The following RMDN2 variants were observed in gnomAD, a reference collection of about 807,000 sequenced individuals.
The protein encoded by RMDN2 is regulator of microtubule dynamics protein 2.
Under a neutral mutation model 52.8 loss-of-function variants are expected in RMDN2, and 61 were observed. The ratio of observed to expected loss-of-function variants is 1.16; its 90% confidence interval spans 0.94 to 1.43. RMDN2 has a LOEUF of 1.43. RMDN2 is among the 40% of genes most tolerant of loss of function. RMDN2 has a pLI of 0.00. For synonymous variants in RMDN2, 180 were observed against 153.1 expected (o/e 1.18, Z -1.30); for missense variants, 592 against 475.3 (o/e 1.25, Z -2.28).
intron 10 of RMDN2, among the ~76,000 whole-genome samples, chr2:38,010,877 A>G (rs1482654139): frequency 6.6e-6 from 1 of 152,232 alleles, no homozygotes; most frequent in African/African-American, 2.4e-5. Context: ...CTTTCATACT[A>G]AAACCTTTGA....
intron 2 of RMDN2, among the ~76,000 whole-genome samples, chr2:37,968,438 CAAAA>C (rs71400332): frequency 4.5e-5 from 4 of 89,154 alleles, no homozygotes; most frequent in East Asian, 4.8e-4. Flanking sequence ...GACTCTGTCT[CAAAA>C]AAAAAAAAAA....
At chr2:38,067,008 C>A (rs767607930) in exon 11 of RMDN2, 5 of 1,613,630 alleles carry the variant, frequency 3.1e-6, no homozygotes, top group Non-Finnish European at 3.4e-6. Flanking sequence ...GATAAAGAGC[C>A]TTTGGTACCG....
intron 5 of RMDN2, among the ~76,000 whole-genome samples, chr2:37,988,272 G>A (rs1179391067): frequency 6.6e-6 from 1 of 152,146 alleles, no homozygotes; most frequent in Non-Finnish European, 1.5e-5. Flanking sequence ...TGCTTTTCTT[G>A]AATTTGAAAT....
Position 37,947,745 on chromosome 2 carries a change from A to G in RMDN2, c.452+18016A>G, listed in dbSNP as rs1041548026. ...AAGATGTGCATTTTTCAATAGCTGAATTCAGAGTACTTCACGATATTTGTT... is the reference window on the plus strand; with the variant it reads ...AAGATGTGCATTTTTCAATAGCTGAGTTCAGAGTACTTCACGATATTTGTT... On this transcript the variant is annotated intron_variant, in intron 2 of 10. Coordinates refer to ENST00000354545, the MANE Select transcript of RMDN2 (RefSeq NM_001170791.3). 2.0e-5 allele frequency among the ~76,000 whole-genome samples: 3 copies of G among 152,222 alleles called. 1 individual carries two copies. Among genetic ancestry groups the G allele is most frequent in the African/African-American group, 7.2e-5 (3 of 41,452 alleles).
chr2:38,039,100 A>AGG, intron 10 of RMDN2, among the ~76,000 whole-genome samples: 1 of 112,694 alleles, frequency 8.9e-6, no homozygotes, highest in East Asian at 2.4e-4. Flanking sequence ...ACACAGAGAG[A>AGG]GAGATAAAAT....
chr2:38,053,717 T>A (rs1215493398), intron 10 of RMDN2, among the ~76,000 whole-genome samples: 2 of 152,226 alleles, frequency 1.3e-5, no homozygotes, highest in Non-Finnish European at 2.9e-5. Flanking sequence ...TGTGAGCTAT[T>A]TGATCTTATT....
chr2:37,942,563 CT>C (rs1393650531), intron 2 of RMDN2, among the ~76,000 whole-genome samples: 1 of 152,172 alleles, frequency 6.6e-6, no homozygotes, highest in Non-Finnish European at 1.5e-5. Context: ...GAATTCTTAT[CT>C]TCCCATACAA....
chr2:38,001,107 G>T (rs1000341194), intron 8 of RMDN2, among the ~76,000 whole-genome samples: 2 of 152,254 alleles, frequency 1.3e-5, no homozygotes, highest in South Asian at 4.1e-4. Context: ...AGAACTCTTG[G>T]CTGTGTCCTG....
chr2:38,018,907 C>G (rs147580204), downstream of RMDN2, among the ~76,000 whole-genome samples: 1 of 152,270 alleles, frequency 6.6e-6, no homozygotes, highest in South Asian at 2.1e-4. Flanking sequence ...CGCACACACA[C>G]ATTTATACAC....
At chr2:38,009,428 T>C (rs1337938218) in intron 10 of RMDN2, among the ~76,000 whole-genome samples, 1 of 152,224 alleles carries the variant, frequency 6.6e-6, no homozygotes, top group Non-Finnish European at 1.5e-5. Flanking sequence ...CTTTTTTCTC[T>C]ACACTTCTCC....
chr2:37,941,406 G>A (rs1429502190), intron 2 of RMDN2, among the ~76,000 whole-genome samples: 1 of 152,248 alleles, frequency 6.6e-6, no homozygotes, highest in African/African-American at 2.4e-5. Flanking sequence ...CTGTCCCTTA[G>A]CAGAGTTTGA....
At chr2:38,063,192 C>G (rs1029185388) in intron 10 of RMDN2, among the ~76,000 whole-genome samples, 5 of 152,214 alleles carry the variant, frequency 3.3e-5, no homozygotes, top group Admixed American at 6.5e-5. Context: ...GGAATCGCCA[C>G]ACTGACTTCT....
At chr2:38,002,495 T>C (rs1676454999) in intron 8 of RMDN2, among the ~76,000 whole-genome samples, 1 of 152,218 alleles carries the variant, frequency 6.6e-6, no homozygotes, top group South Asian at 2.1e-4. Flanking sequence ...GGAGCCAATA[T>C]GTAGATTTTC....
At chr2:37,938,842 C>T (rs566152080) in intron 2 of RMDN2, among the ~76,000 whole-genome samples, 2 of 152,210 alleles carry the variant, frequency 1.3e-5, no homozygotes, top group East Asian at 3.9e-4. Flanking sequence ...CTTTTCAAAA[C>T]ACCAGCTCCT....
intron 2 of RMDN2, chr2:37,951,492 C>T: frequency 6.2e-7 from 1 of 1,612,046 alleles, no homozygotes; most frequent in Non-Finnish European, 8.5e-7. Context: ...CCCTTACTGG[C>T]AACAAAGTAG....
chr2:37,985,336 A>G (rs1673860104), intron 5 of RMDN2, among the ~76,000 whole-genome samples: 1 of 152,168 alleles, frequency 6.6e-6, no homozygotes, highest in Admixed American at 6.5e-5. Context: ...ACGCTGAAAG[A>G]GAACCAAGAC....
rs75650496 is a variant in RMDN2, at chr2:37,930,733, A to G, written c.452+1004A>G. The stretch of plus-strand genomic sequence containing the variant: ...AACCCACATTCCCCAAAGAAGTAGC[A>G]GCAGGGGATGAGGGCCTTCCCTGGT... On this transcript the variant is annotated intron_variant, in intron 2 of 10. Transcript: ENST00000354545. 1.6e-3 allele frequency among the ~76,000 whole-genome samples: 243 copies of G among 152,326 alleles called. 5 individuals carry two copies. In the East Asian group the frequency reaches 0.037, roughly 23 times the overall value.
intron 10 of RMDN2, among the ~76,000 whole-genome samples, chr2:38,032,200 A>G (rs1680258619): frequency 6.6e-6 from 1 of 152,300 alleles, no homozygotes; most frequent in South Asian, 2.1e-4. Context: ...CAACCAACAT[A>G]TAGAGCATGA....
intron 10 of RMDN2, among the ~76,000 whole-genome samples, chr2:38,056,135 G>A (rs1681847653): frequency 6.6e-6 from 1 of 152,162 alleles, no homozygotes; most frequent in Non-Finnish European, 1.5e-5. Context: ...GGACGGGGCA[G>A]CACTGTGCCA....
Sources: gnomAD v4.1 joint callset for allele counts (sites outside exome capture counted in the v4.1 genomes callset) on GRCh38, gnomAD v4.1.1 for gene constraint, MANE v1.5 for transcripts, NCBI Gene and HGNC (gene_info 2026-07-23, HGNC 2026-07-21) for gene names.